The following PDGFC variants were observed in gnomAD, a reference collection of about 807,000 sequenced individuals.
PDGFC encodes platelet-derived growth factor C.
In PDGFC, 12 loss-of-function variants were observed where a neutral mutation model predicts 35.5. The observed-to-expected ratio is 0.34, with a 90% CI of 0.22 to 0.55. The LOEUF is 0.55. Ranked by LOEUF, PDGFC falls within the 20% of genes least tolerant of loss-of-function variation. The probability of loss-of-function intolerance (pLI) is 0.91; values close to 1 mark genes in which losing one functional copy is unlikely to be tolerated. For missense variants in PDGFC, 322 were observed against 412.4 expected, an observed-to-expected ratio of 0.78 and a Z score of 1.90; for synonymous variants, 159 against 148.8, an observed-to-expected ratio of 1.07 and a Z score of -0.50.
intron 1 of PDGFC, among the ~76,000 whole-genome samples, chr4:156,885,693 C>T (rs905989207): frequency 6.6e-6 from 1 of 151,954 alleles, no homozygotes; most frequent in African/African-American, 2.4e-5. Context: ...GAGCTCAAGG[C>T]CAGCCTGGGC....
At chr4:156,888,581 T>A (rs1730430645) in intron 1 of PDGFC, among the ~76,000 whole-genome samples, 1 of 152,180 alleles carries the variant, frequency 6.6e-6, no homozygotes, top group African/African-American at 2.4e-5. Context: ...TTTAAAAAAG[T>A]CAACTAACTG....
At chr4:156,790,698 A>G (rs1427386003) in intron 3 of PDGFC, among the ~76,000 whole-genome samples, 1 of 152,208 alleles carries the variant, frequency 6.6e-6, no homozygotes, top group East Asian at 1.9e-4. Flanking sequence ...GAACTCCAAA[A>G]CTTATACCAA....
At chr4:156,832,965 G>T (rs1280176495) in intron 2 of PDGFC, among the ~76,000 whole-genome samples, 2 of 152,264 alleles carry the variant, frequency 1.3e-5, no homozygotes, top group Admixed American at 6.5e-5. Flanking sequence ...TGAGAGTTTG[G>T]TTCATATGGA....
chr4:156,829,674 C>A (rs929229167), intron 2 of PDGFC, among the ~76,000 whole-genome samples: 1 of 152,136 alleles, frequency 6.6e-6, no homozygotes, highest in African/African-American at 2.4e-5. Context: ...TCAATTATAT[C>A]ACTCACTTCA....
At chr4:156,794,485 A>C in intron 3 of PDGFC, among the ~76,000 whole-genome samples, 1 of 152,096 alleles carries the variant, frequency 6.6e-6, no homozygotes, top group East Asian at 1.9e-4. Context: ...AAGAAGAGAA[A>C]GAAAAATAAG....
Position 156,762,778 on chromosome 4 carries a change from A to G in PDGFC, c.*312T>C, listed in dbSNP as rs1730411606. Reference sequence around the variant, plus strand: ...AGCCGTATCGAAAGAACTGAAATACAGAACCCAGCTAGTGGAATACGTACA... The same window carrying G: ...AGCCGTATCGAAAGAACTGAAATACGGAACCCAGCTAGTGGAATACGTACA... On this transcript the variant is annotated 3_prime_UTR_variant, in exon 6 of 6. Transcript: ENST00000502773. 4.5e-6 allele frequency: 1 copy of G among 221,620 alleles called. No homozygotes were observed. The highest frequency in any genetic ancestry group is 9.0e-6 in the Non-Finnish European group (1 of 111,412). The allele number at this position is 221,620 out of a possible 1,614,324, so 13.7% of individuals were successfully genotyped here. A position where few individuals can be genotyped will look rare whatever the true frequency, so the allele number is the denominator to read the frequency against.
rs996489402 is a variant in PDGFC, at chr4:156,950,979, C to G, written c.118+19807G>C. Among the ~76,000 whole-genome samples the G allele has an allele frequency of 2.0e-5, 3 of 151,960 alleles. No individual in the cohort carries two copies. In the South Asian group the frequency reaches 6.2e-4, roughly 31 times the overall value. On this transcript the variant is annotated intron_variant, in intron 1 of 5. Coordinates refer to ENST00000502773, the MANE Select transcript of PDGFC (RefSeq NM_016205.3). ...CCTGATCTAGGCGCTATGGATATGA[C>G]AGTTTATAACCTAAACAAGGAGAAA...
intron 1 of PDGFC, among the ~76,000 whole-genome samples, chr4:156,959,188 AGAATTTTAGGT>A (rs1732280672): frequency 6.6e-6 from 1 of 152,080 alleles, no homozygotes; most frequent in African/African-American, 2.4e-5. Context: ...GCAATTGCCC[AGAATTTTAGGT>A]ATGCTTTCCA....
chr4:156,947,832 T>G (rs1731983018), intron 1 of PDGFC, among the ~76,000 whole-genome samples: 1 of 151,980 alleles, frequency 6.6e-6, no homozygotes, highest in South Asian at 2.1e-4. Context: ...AGTGTGAATG[T>G]GCAGCCTTAG....
intron 1 of PDGFC, among the ~76,000 whole-genome samples, chr4:156,894,788 C>CA (rs887701313): frequency 5.2e-4 from 79 of 151,370 alleles, no homozygotes; most frequent in Non-Finnish European, 9.1e-4. Context: ...GAACAAAAAC[C>CA]AAAAAAAAGG....
chr4:156,838,980 G>A (rs1348972018), intron 2 of PDGFC, among the ~76,000 whole-genome samples: 2 of 152,220 alleles, frequency 1.3e-5, no homozygotes, highest in Non-Finnish European at 2.9e-5. Flanking sequence ...CTGAGCTCTG[G>A]AAGCCCATGC....
At chr4:156,815,147 T>C (rs1732045480) in intron 2 of PDGFC, among the ~76,000 whole-genome samples, 1 of 152,168 alleles carries the variant, frequency 6.6e-6, no homozygotes, top group Admixed American at 6.6e-5. Context: ...GAACTTAGCA[T>C]ATGCTACTAA....
chr4:156,870,195 ATCTC>A (rs1437718956), intron 1 of PDGFC, among the ~76,000 whole-genome samples: 3 of 152,078 alleles, frequency 2.0e-5, no homozygotes, highest in Non-Finnish European at 2.9e-5. Context: ...TCCCCACTTC[ATCTC>A]TCTAACATGT....
At chr4:156,847,067 A>C (rs908221995) in intron 2 of PDGFC, among the ~76,000 whole-genome samples, 1 of 151,734 alleles carries the variant, frequency 6.6e-6, no homozygotes, top group Non-Finnish European at 1.5e-5. Context: ...GAAATGAAAA[A>C]AGGAAGGACA....
intron 5 of PDGFC, among the ~76,000 whole-genome samples, chr4:156,765,092 T>C (rs1261244535): frequency 6.6e-6 from 1 of 152,218 alleles, no homozygotes; most frequent in Non-Finnish European, 1.5e-5. Context: ...CTGATGCTCA[T>C]GGAGATTTAC....
At position 156,900,904 on chromosome 4, in the gene PDGFC, G is replaced by A. The variant is rs182350856; in HGVS notation, c.119-50488C>T. 8.1e-4 allele frequency among the ~76,000 whole-genome samples: 107 copies of A among 132,242 alleles called. 1 individual carries two copies. The highest frequency in any genetic ancestry group is 1.9e-4 in the Non-Finnish European group (12 of 62,394). The allele number at this position is 132,242 out of a possible 152,430, so 86.8% of individuals were successfully genotyped here. ...GGGAGGAAAGGAGGGAAGGAGGGAGGAAGGGAGGGAGGGAGAGAGGAAGTG... is the reference window on the plus strand; with the variant it reads ...GGGAGGAAAGGAGGGAAGGAGGGAGAAAGGGAGGGAGGGAGAGAGGAAGTG... On this transcript the variant is annotated intron_variant, in intron 1 of 5. Transcript: ENST00000502773.
chr4:156,793,471 GA>G (rs199538771), intron 3 of PDGFC, among the ~76,000 whole-genome samples: 5 of 136,426 alleles, frequency 3.7e-5, no homozygotes, highest in South Asian at 4.6e-4. Context: ...GCATTCTTGA[GA>G]AAAAAAAACA....
intron 1 of PDGFC, among the ~76,000 whole-genome samples, chr4:156,885,678 G>A (rs539091044): frequency 3.3e-5 from 5 of 152,022 alleles, no homozygotes; most frequent in Non-Finnish European, 7.4e-5. Flanking sequence ...TACTGCTTGG[G>A]CCAGGAGCTC....
chr4:156,965,687 C>T (rs1174965305), intron 1 of PDGFC, among the ~76,000 whole-genome samples: 1 of 152,018 alleles, frequency 6.6e-6, no homozygotes, highest in African/African-American at 2.4e-5. Flanking sequence ...CATCACTCCC[C>T]CAGCCATAAC....
Sources: gnomAD v4.1 joint callset for allele counts (sites outside exome capture counted in the v4.1 genomes callset) on GRCh38, gnomAD v4.1.1 for gene constraint, MANE v1.5 for transcripts, NCBI Gene and HGNC (gene_info 2026-07-23, HGNC 2026-07-21) for gene names.